AGMO: variants seen among roughly 807,000 people sequenced by gnomAD.
The protein encoded by AGMO is alkylglycerol monooxygenase, also known as glyceryl-ether monooxygenase.
AGMO carries 75 observed loss-of-function variants against 60.2 expected under a neutral mutation model. That is an observed-to-expected ratio of 1.25 (90% CI 1.03 to 1.51). The LOEUF (loss-of-function observed/expected upper bound fraction) is 1.51, where lower values mean the gene tolerates loss of function less well. Among genes scored for constraint, AGMO ranks in the 40% most tolerant of loss-of-function variants. The pLI is 0.00. For missense variants in AGMO, 763 were observed against 525.5 expected (o/e 1.45, Z -4.42); for synonymous variants, 261 against 177.1 (o/e 1.47, Z -3.76).
At chr7:15,323,528 G>T (rs955927102) in intron 12 of AGMO, among the ~76,000 whole-genome samples, 16 of 152,076 alleles carry the variant, frequency 1.1e-4, no homozygotes, top group Non-Finnish European at 2.4e-4. Flanking sequence ...TTTGAGTTTT[G>T]TCTTACAATT....
In AGMO at chr7:15,550,228, T is replaced by C. The variant is rs796874507; in HGVS notation, c.258-5305A>G. 9.3e-3 allele frequency among the ~76,000 whole-genome samples: 1,401 copies of C among 150,230 alleles called. 24 individuals carry two copies. Among genetic ancestry groups the C allele is most frequent in the African/African-American group, 0.031 (1,274 of 40,840 alleles). On this transcript the variant is annotated intron_variant, in intron 2 of 12. Transcript: ENST00000342526. ...AAGAGAAAGCAGGAAAGATCCAAAA[T>C]TGACACCCTAACATCACAATTAAAA...
chr7:15,469,155 C>T (rs1782371877), intron 3 of AGMO, among the ~76,000 whole-genome samples: 1 of 151,958 alleles, frequency 6.6e-6, no homozygotes, highest in Non-Finnish European at 1.5e-5. Context: ...AAAATTATAG[C>T]AATCTAGACC....
the AGMO span, among the ~76,000 whole-genome samples, chr7:15,147,732 C>A: frequency 6.6e-6 from 1 of 152,090 alleles, no homozygotes; most frequent in Non-Finnish European, 1.5e-5. Flanking sequence ...GGAACTCTGT[C>A]TCTATCAAAG....
At chr7:15,397,164 G>C (rs1000107152) in intron 5 of AGMO, among the ~76,000 whole-genome samples, 3 of 152,122 alleles carry the variant, frequency 2.0e-5, no homozygotes, top group Non-Finnish European at 2.9e-5. Flanking sequence ...AGACAACCAA[G>C]AGGAAAAGTG....
At chr7:15,163,265 C>T in the AGMO span, among the ~76,000 whole-genome samples, 1 of 152,162 alleles carries the variant, frequency 6.6e-6, no homozygotes, top group Admixed American at 6.6e-5. Context: ...ATTTTGTCAG[C>T]AAACAGAGAT....
chr7:15,508,836 T>A (rs1217024532), intron 3 of AGMO, among the ~76,000 whole-genome samples: 2 of 152,172 alleles, frequency 1.3e-5, no homozygotes, highest in African/African-American at 4.8e-5. Context: ...TGTATGGATA[T>A]TTAACACATA....
At chr7:15,227,677 C>T (rs1359442789) in intron 12 of AGMO, among the ~76,000 whole-genome samples, 1 of 152,056 alleles carries the variant, frequency 6.6e-6, no homozygotes, top group African/African-American at 2.4e-5. Flanking sequence ...GTAACGCCTC[C>T]TGAATTTACA....
intron 5 of AGMO, among the ~76,000 whole-genome samples, chr7:15,403,855 G>T (rs1420380539): frequency 6.6e-6 from 1 of 151,958 alleles, no homozygotes; most frequent in Non-Finnish European, 1.5e-5. Flanking sequence ...GATGGTAGTG[G>T]CGGCCATATT....
chr7:15,287,670 A>T (rs1233171846), intron 12 of AGMO, among the ~76,000 whole-genome samples: 3 of 152,188 alleles, frequency 2.0e-5, no homozygotes, highest in Non-Finnish European at 4.4e-5. Context: ...CAATATGTAC[A>T]TATTTAAAAC....
At chr7:15,310,511 C>T (rs1780738694) in intron 12 of AGMO, among the ~76,000 whole-genome samples, 1 of 151,906 alleles carries the variant, frequency 6.6e-6, no homozygotes, top group South Asian at 2.1e-4. Flanking sequence ...TTGGATCAGA[C>T]AAAAAAGTCC....
At chr7:15,346,394 G>A (rs1364620617) in intron 12 of AGMO, among the ~76,000 whole-genome samples, 1 of 151,944 alleles carries the variant, frequency 6.6e-6, no homozygotes, top group Non-Finnish European at 1.5e-5. Flanking sequence ...GTTTTTTCAT[G>A]ACACCTACTT....
intron 12 of AGMO, among the ~76,000 whole-genome samples, chr7:15,233,561 TC>T (rs59598838): frequency 6.7e-4 from 101 of 150,674 alleles, no homozygotes; most frequent in African/African-American, 2.4e-3. Context: ...TTTTTTTTTT[TC>T]CCCCCTTTGG....
chr7:15,462,655 G>C (rs1483318326), intron 3 of AGMO, among the ~76,000 whole-genome samples: 1 of 152,056 alleles, frequency 6.6e-6, no homozygotes, highest in Non-Finnish European at 1.5e-5. Flanking sequence ...ACAACAAAAA[G>C]TTACAAATTT....
intron 5 of AGMO, among the ~76,000 whole-genome samples, chr7:15,410,467 C>A (rs1784808831): frequency 6.6e-6 from 1 of 151,484 alleles, no homozygotes; most frequent in Non-Finnish European, 1.5e-5. Context: ...ATTTTTTTCC[C>A]TAAAGTAAGT....
chr7:15,297,035 A>G (rs1273229741), intron 12 of AGMO, among the ~76,000 whole-genome samples: 1 of 150,206 alleles, frequency 6.7e-6, no homozygotes, highest in Non-Finnish European at 1.5e-5. Flanking sequence ...TTCTCATACC[A>G]CCTAGCCATC....
chr7:15,533,079 C>A (rs142369501), intron 3 of AGMO, among the ~76,000 whole-genome samples: 1 of 152,118 alleles, frequency 6.6e-6, no homozygotes, highest in Non-Finnish European at 1.5e-5. Flanking sequence ...TTTGGCAATA[C>A]CTCTCAGAGT....
At chr7:15,532,815 A>AC (rs1447123959) in intron 3 of AGMO, among the ~76,000 whole-genome samples, 3 of 151,978 alleles carry the variant, frequency 2.0e-5, no homozygotes, top group African/African-American at 4.8e-5. Context: ...ATGAAGTGAG[A>AC]CCCCATCTCT....
At chr7:15,316,723 T>C (rs893429129) in intron 12 of AGMO, among the ~76,000 whole-genome samples, 1 of 152,206 alleles carries the variant, frequency 6.6e-6, no homozygotes, top group Non-Finnish European at 1.5e-5. Flanking sequence ...TTTAGTAACG[T>C]TTCCCCTCTC....
At chr7:15,545,932 G>C (rs1583671622) in intron 2 of AGMO, among the ~76,000 whole-genome samples, 1 of 151,924 alleles carries the variant, frequency 6.6e-6, no homozygotes, top group Non-Finnish European at 1.5e-5. Flanking sequence ...TCATCAACAA[G>C]TTTGGTGCTG....
Sources: allele counts gnomAD v4.1 joint callset (sites outside exome capture counted in the v4.1 genomes callset), GRCh38; gene constraint gnomAD v4.1.1; transcripts MANE v1.5; gene names NCBI Gene and HGNC (gene_info 2026-07-23, HGNC 2026-07-21).